The following AK5 variants were observed in gnomAD, a reference collection of about 807,000 sequenced individuals.
The protein encoded by AK5 is adenylate kinase isoenzyme 5.
AK5 carries 27 observed loss-of-function variants against 69.5 expected under a neutral mutation model. The ratio of observed to expected loss-of-function variants is 0.39; its 90% CI spans 0.29 to 0.54. The LOEUF is 0.54. Ranked by LOEUF, AK5 falls within the 20% of genes least tolerant of loss-of-function variation. AK5 has a pLI of 0.71. For synonymous variants in AK5, 260 were observed against 244.4 expected, an observed-to-expected ratio of 1.06 and a Z score of -0.60; for missense variants, 531 against 700.4, an observed-to-expected ratio of 0.76 and a Z score of 2.73.
Position 77,297,624 on chromosome 1 carries a change from A to T in AK5, c.481A>T (p.Ile161Phe). Reference protein sequence around the residue: ...KIAERYGFQYISVGELLRKKI... With the variant: ...KIAERYGFQYFSVGELLRKKI... Reference sequence around the variant, plus strand: ...TGCAGAACGATATGGATTCCAATACATTTCTGTGGGAGAATTATTAAGAAA... The same window carrying T: ...TGCAGAACGATATGGATTCCAATACTTTTCTGTGGGAGAATTATTAAGAAA... The change falls in exon 4 of 14, where the codon ATT (isoleucine) becomes TTT (phenylalanine). Residue 161 changes from isoleucine (I) to phenylalanine (F), a missense_variant. Ile to Phe is a conservative substitution (Grantham distance 21, BLOSUM62 0). Transcript: ENST00000354567. The T allele has an allele frequency of 6.2e-7, 1 of 1,613,986 alleles. No homozygotes were observed. The highest frequency in any genetic ancestry group is 1.1e-5 in the South Asian group (1 of 91,030).
At chr1:77,503,444 C>T (rs1656840060) in intron 10 of AK5, among the ~76,000 whole-genome samples, 1 of 152,142 alleles carries the variant, frequency 6.6e-6, no homozygotes, top group African/African-American at 2.4e-5. Flanking sequence ...GGGTATTATT[C>T]AGTTTTTTCC....
chr1:77,490,264 C>T (rs78471026), intron 10 of AK5, among the ~76,000 whole-genome samples: 1 of 152,162 alleles, frequency 6.6e-6, no homozygotes, highest in Non-Finnish European at 1.5e-5. Context: ...AGCTGCTACC[C>T]TCTCACTGAG....
chr1:77,539,820 T>C (rs1410186244), intron 13 of AK5, among the ~76,000 whole-genome samples: 1 of 152,178 alleles, frequency 6.6e-6, no homozygotes, highest in Non-Finnish European at 1.5e-5. Flanking sequence ...CCCTCCTCCC[T>C]GTTGTTTTAC....
intron 2 of AK5, 42 bp downstream of exon 2, chr1:77,287,169 C>G: frequency 7.4e-7 from 1 of 1,356,634 alleles, no homozygotes; most frequent in Non-Finnish European, 9.7e-7. Flanking sequence ...ATAGTTATAG[C>G]AATTCTCTTT....
chr1:77,423,295 A>C (rs1650977386), intron 8 of AK5, among the ~76,000 whole-genome samples: 1 of 151,850 alleles, frequency 6.6e-6, no homozygotes, highest in African/African-American at 2.4e-5. Context: ...TACAGAACAA[A>C]TGCTGCATAA....
Position 77,536,027 on chromosome 1 carries a change from C to G in AK5, c.1609C>G (p.Gln537Glu). The change falls in exon 13 of 14, where the codon CAG becomes GAG. Residue 537 changes from glutamine (Q) to glutamate (E), a missense_variant. By Grantham distance (29) the Gln-to-Glu change is conservative (BLOSUM62 2). Coordinates refer to ENST00000354567, the MANE Select transcript of AK5 (RefSeq NM_174858.3). ...PVIAYYETKTQLHKINAEGTP... is the reference protein window; with the variant it reads ...PVIAYYETKTELHKINAEGTP... ...GATCGCCTACTACGAGACAAAAACA[C>G]AGCTACACAAGGCGAGTCACTTCAC... The G allele has an allele frequency of 6.2e-7, 1 of 1,612,544 alleles. No individual in the cohort carries two copies. The highest frequency in any genetic ancestry group is 8.5e-7 in the Non-Finnish European group (1 of 1,179,532).
intron 8 of AK5, among the ~76,000 whole-genome samples, chr1:77,430,275 C>T (rs182719710): frequency 1.4e-3 from 213 of 152,192 alleles, no homozygotes; most frequent in African/African-American, 4.9e-3. Context: ...TGACGAAAGT[C>T]AACAGGACTT....
At chr1:77,468,895 G>A (rs550625634) in intron 8 of AK5, among the ~76,000 whole-genome samples, 6 of 152,192 alleles carry the variant, frequency 3.9e-5, no homozygotes, top group Non-Finnish European at 5.9e-5. Flanking sequence ...ACGTTTCCAG[G>A]AGGCACAGAG....
At chr1:77,319,900 A>G (rs1283683831) in intron 5 of AK5, among the ~76,000 whole-genome samples, 2 of 152,248 alleles carry the variant, frequency 1.3e-5, no homozygotes, top group African/African-American at 4.8e-5. Flanking sequence ...GAAAAATGTT[A>G]GAGATGCTGA....
intron 13 of AK5, among the ~76,000 whole-genome samples, chr1:77,549,274 TTC>T (rs1247912533): frequency 6.6e-6 from 1 of 152,128 alleles, no homozygotes; most frequent in African/African-American, 2.4e-5. Flanking sequence ...AAATGGTAAA[TTC>T]TTTTTTTTAT....
At chr1:77,454,568 G>A (rs1010397785) in intron 8 of AK5, among the ~76,000 whole-genome samples, 2 of 152,180 alleles carry the variant, frequency 1.3e-5, no homozygotes, top group African/African-American at 2.4e-5. Flanking sequence ...CCAGACCATA[G>A]CTATTTTGTT....
At chr1:77,418,207 G>A (rs951513656) in intron 8 of AK5, among the ~76,000 whole-genome samples, 4 of 152,164 alleles carry the variant, frequency 2.6e-5, no homozygotes, top group Non-Finnish European at 5.9e-5. Context: ...CACAATCATG[G>A]CAGAAGACAA....
At chr1:77,440,545 T>C (rs1456208690) in intron 8 of AK5, among the ~76,000 whole-genome samples, 1 of 152,152 alleles carries the variant, frequency 6.6e-6, no homozygotes, top group Admixed American at 6.5e-5. Context: ...TTCTAGCTAT[T>C]ACATCATTAA....
intron 5 of AK5, among the ~76,000 whole-genome samples, chr1:77,325,161 G>GTTTTTTTTTTTTTTTTTT (rs369801549): frequency 2.4e-5 from 3 of 123,250 alleles, no homozygotes; most frequent in Non-Finnish European, 3.5e-5. Flanking sequence ...TAGGTTTTTT[G>GTTTTTTTTTTTTTTTTTT]TTTTTTTTTT....
chr1:77,356,531 C>T lies in AK5; in HGVS notation c.891+15963C>T, dbSNP rs553893709. ...ATTCACGAGTTCTTGACCTTTTGCA[C>T]AAGTTTTTGAAACTCTTAGGGCCTC... On this transcript the variant is annotated intron_variant, in intron 6 of 13. Transcript: ENST00000354567. Among the ~76,000 whole-genome samples, 3 of 152,282 alleles carry T rather than the reference C, an allele frequency of 2.0e-5. No homozygotes were observed. In the South Asian group the frequency reaches 6.2e-4, roughly 32 times the overall value.
chr1:77,391,449 GTGTGTATATATATATACACATA>G (rs1349005200), intron 6 of AK5, among the ~76,000 whole-genome samples: 13 of 126,022 alleles, frequency 1.0e-4, no homozygotes, highest in African/African-American at 4.2e-4. Flanking sequence ...ACATATATGT[GTGTGTATATATATATACACATA>G]TGTGTGTGTG....
chr1:77,367,556 T>TATATATATATATATATATATATG (rs1557532470), intron 6 of AK5, among the ~76,000 whole-genome samples: 2 of 26,792 alleles, frequency 7.5e-5, no homozygotes, highest in Non-Finnish European at 1.5e-4. Flanking sequence ...TTATGTTATT[T>TATATATATATATATATATATATG]TTATATATAT....
chr1:77,400,102 AG>A (rs1412417165), intron 6 of AK5, among the ~76,000 whole-genome samples: 1 of 152,248 alleles, frequency 6.6e-6, no homozygotes, highest in Non-Finnish European at 1.5e-5. Flanking sequence ...ATGGGGAAGA[AG>A]ATAAAGAATA....
At chr1:77,376,173 A>C (rs951918895) in intron 6 of AK5, among the ~76,000 whole-genome samples, 1 of 152,194 alleles carries the variant, frequency 6.6e-6, no homozygotes, top group Non-Finnish European at 1.5e-5. Flanking sequence ...CCACTGGTTT[A>C]TGTCACTTGA....
Sources: gnomAD v4.1 joint callset for allele counts (sites outside exome capture counted in the v4.1 genomes callset) on GRCh38, gnomAD v4.1.1 for gene constraint, MANE v1.5 for transcripts, NCBI Gene and HGNC (gene_info 2026-07-23, HGNC 2026-07-21) for gene names.